SKAP1: variants seen among roughly 807,000 people sequenced by gnomAD.
The protein encoded by SKAP1 is src kinase-associated phosphoprotein 1.
Under a neutral mutation model 58.5 loss-of-function variants are expected in SKAP1, and 44 were observed. The ratio of observed to expected loss-of-function variants is 0.75; its 90% confidence interval spans 0.59 to 0.97. SKAP1 has a LOEUF of 0.97. SKAP1 is among the 50% of genes least tolerant of loss of function. SKAP1 has a pLI of 0.00. For synonymous variants in SKAP1, 127 were observed against 149.7 expected (o/e 0.85, Z 1.11); for missense variants, 390 against 435.2 (o/e 0.90, Z 0.92).
At chr17:48,259,453 TG>T (rs1318331722) in intron 4 of SKAP1, among the ~76,000 whole-genome samples, 1 of 152,166 alleles carries the variant, frequency 6.6e-6, no homozygotes, top group African/African-American at 2.4e-5. Context: ...GAACATACAT[TG>T]TTTTTTAAAA....
chr17:48,151,604 G>A (rs1023559177), intron 11 of SKAP1, among the ~76,000 whole-genome samples: 4 of 152,154 alleles, frequency 2.6e-5, no homozygotes, highest in African/African-American at 9.7e-5. Flanking sequence ...TTTCTAGCTG[G>A]GTTCTGTCTT....
chr17:48,328,437 G>A (rs751956435), intron 4 of SKAP1, among the ~76,000 whole-genome samples: 3 of 152,122 alleles, frequency 2.0e-5, no homozygotes, highest in South Asian at 2.1e-4. Flanking sequence ...TGATACCCCC[G>A]TACTGAGGAA....
intron 6 of SKAP1, among the ~76,000 whole-genome samples, chr17:48,187,475 T>C (rs551874187): frequency 3.9e-5 from 6 of 152,344 alleles, no homozygotes; most frequent in South Asian, 4.1e-4. Context: ...TCTTTAAGTC[T>C]TTCTCAGAAT....
chr17:48,234,170 G>A (rs1312409034), intron 4 of SKAP1, among the ~76,000 whole-genome samples: 2 of 152,166 alleles, frequency 1.3e-5, no homozygotes, highest in Admixed American at 6.5e-5. Flanking sequence ...TTAAAAAAAG[G>A]CACTGGGTGC....
At chr17:48,193,266 C>T (rs2064574301) in intron 4 of SKAP1, among the ~76,000 whole-genome samples, 1 of 152,134 alleles carries the variant, frequency 6.6e-6, no homozygotes, top group Non-Finnish European at 1.5e-5. Context: ...TGGTCTTGAA[C>T]TCCTGACCCC....
At chr17:48,287,217 G>A (rs148266402) in intron 4 of SKAP1, among the ~76,000 whole-genome samples, 1,562 of 152,112 alleles carry the variant, frequency 0.01, 12 homozygotes, top group Non-Finnish European at 0.015. Flanking sequence ...TAGAACACAG[G>A]AGTGACTCTT....
chr17:48,379,467 A>G (rs960931758), intron 2 of SKAP1, among the ~76,000 whole-genome samples: 2 of 152,206 alleles, frequency 1.3e-5, no homozygotes, highest in African/African-American at 4.8e-5. Context: ...TAAGAACTAC[A>G]ATGAATTACT....
intron 11 of SKAP1, among the ~76,000 whole-genome samples, chr17:48,149,846 A>G (rs141018855): frequency 1.3e-5 from 2 of 152,326 alleles, no homozygotes; most frequent in East Asian, 3.9e-4. Context: ...GAGAAACAAA[A>G]TGACCATTTT....
intron 4 of SKAP1, among the ~76,000 whole-genome samples, chr17:48,209,477 T>G (rs753037543): frequency 6.6e-6 from 1 of 152,238 alleles, no homozygotes; most frequent in Non-Finnish European, 1.5e-5. Context: ...TTGTAAAAGC[T>G]GGCCAGATAC....
chr17:48,137,086 C>T, intron 12 of SKAP1, 143 bp downstream of exon 12: 1 of 551,624 alleles, frequency 1.8e-6, no homozygotes, highest in Non-Finnish European at 3.3e-6. Flanking sequence ...CATTTTCTTT[C>T]CATCAGTGGT....
At chr17:48,421,606 C>T (rs2067794638) in intron 1 of SKAP1, among the ~76,000 whole-genome samples, 1 of 152,006 alleles carries the variant, frequency 6.6e-6, no homozygotes. Context: ...TGCCCAGCCA[C>T]AAAACAGGGT....
chr17:48,240,788 C>T (rs916273803), intron 4 of SKAP1, among the ~76,000 whole-genome samples: 2 of 152,202 alleles, frequency 1.3e-5, no homozygotes, highest in African/African-American at 4.8e-5. Context: ...CCTGAAAGTG[C>T]TGCCTGTTCC....
At chr17:48,253,524 A>G (rs1425405693) in intron 4 of SKAP1, among the ~76,000 whole-genome samples, 1 of 152,192 alleles carries the variant, frequency 6.6e-6, no homozygotes, top group Non-Finnish European at 1.5e-5. Flanking sequence ...GTGTGATTTT[A>G]TAGAGATATT....
chr17:48,177,956 G>T (rs1227558369), intron 9 of SKAP1, among the ~76,000 whole-genome samples: 2 of 152,100 alleles, frequency 1.3e-5, no homozygotes, highest in East Asian at 3.9e-4. Context: ...CACTTCCAAT[G>T]GGCAGCTGTT....
At chr17:48,308,630 G>A (rs1479082305) in intron 4 of SKAP1, 1 of 152,124 alleles carries the variant, frequency 6.6e-6, no homozygotes, top group Non-Finnish European at 1.5e-5. Context: ...AATAGGCATA[G>A]AAAGACAAAT....
At chr17:48,348,282 C>T (rs1379237133) in intron 3 of SKAP1, among the ~76,000 whole-genome samples, 2 of 148,346 alleles carry the variant, frequency 1.3e-5, no homozygotes, top group Non-Finnish European at 3.0e-5. Context: ...GTAAAAGCTG[C>T]AGTGAGCCAT....
intron 4 of SKAP1, among the ~76,000 whole-genome samples, chr17:48,254,044 A>G (rs934637336): frequency 6.6e-6 from 1 of 152,164 alleles, no homozygotes; most frequent in Non-Finnish European, 1.5e-5. Flanking sequence ...CTGAGATGAC[A>G]TGAAAGCTCT....
chr17:48,140,108 C>T (rs1321153921), intron 11 of SKAP1, among the ~76,000 whole-genome samples: 1 of 152,184 alleles, frequency 6.6e-6, no homozygotes, highest in Non-Finnish European at 1.5e-5. Context: ...AGTTTACTCA[C>T]TCACTGCTCC....
chr17:48,279,452 T>C (rs1286956973), intron 4 of SKAP1, among the ~76,000 whole-genome samples: 2 of 152,154 alleles, frequency 1.3e-5, no homozygotes, highest in Non-Finnish European at 2.9e-5. Context: ...ACAGCTCCAA[T>C]CGGATCAATG....
Sources: gnomAD v4.1 joint callset for allele counts (sites outside exome capture counted in the v4.1 genomes callset) on GRCh38, gnomAD v4.1.1 for gene constraint, MANE v1.5 for transcripts, NCBI Gene and HGNC (gene_info 2026-07-23, HGNC 2026-07-21) for gene names.